Variants in OTUD7A observed in about 807,000 individuals in gnomAD.
OTUD7A encodes the protein OTU domain-containing protein 7A.
OTUD7A carries 12 observed loss-of-function variants against 65.7 expected under a neutral mutation model. That is an observed-to-expected ratio of 0.18 (90% CI 0.12 to 0.30). The LOEUF (loss-of-function observed/expected upper bound fraction) is 0.30, where lower values mean the gene tolerates loss of function less well. OTUD7A is among the 10% of genes least tolerant of loss of function. The probability of loss-of-function intolerance (pLI) is 1.00; values close to 1 mark genes in which losing one functional copy is unlikely to be tolerated. For missense variants in OTUD7A, 1,148 were observed against 1,304.8 expected (o/e 0.88, Z 1.85); for synonymous variants, 641 against 586.3 (o/e 1.09, Z -1.35).
chr15:31,766,489 A>C, intron 1 of OTUD7A: 1 of 1,604,904 alleles, frequency 6.2e-7, no homozygotes, highest in Non-Finnish European at 8.5e-7. Flanking sequence ...GTACTTTTGC[A>C]GAGTCTTTTA....
chr15:31,682,777 A>G (rs35334539), intron 1 of OTUD7A, among the ~76,000 whole-genome samples: 255 of 152,050 alleles, frequency 1.7e-3, no homozygotes, highest in African/African-American at 5.8e-3. Context: ...GTGTGTGTGC[A>G]TGTCCATGTG....
At chr15:31,634,971 C>T (rs1275325955) in intron 3 of OTUD7A, among the ~76,000 whole-genome samples, 4 of 152,192 alleles carry the variant, frequency 2.6e-5, no homozygotes, top group African/African-American at 9.6e-5. Flanking sequence ...CCCAACCATT[C>T]CCAGTCTTAC....
chr15:31,556,707 A>G (rs11630385), intron 5 of OTUD7A: 92,570 of 152,184 alleles, frequency 0.61, 30,693 homozygotes, highest in East Asian at 0.91. Context: ...ATGATCACCC[A>G]AGCTATTAGC....
At chr15:31,776,732 G>A (rs1895391917) in intron 1 of OTUD7A, among the ~76,000 whole-genome samples, 1 of 152,142 alleles carries the variant, frequency 6.6e-6, no homozygotes, top group Non-Finnish European at 1.5e-5. Context: ...AAGGAACCGG[G>A]GGTCCTTACT....
At chr15:31,833,815 C>T (rs962087954) in intron 1 of OTUD7A, among the ~76,000 whole-genome samples, 5 of 152,170 alleles carry the variant, frequency 3.3e-5, no homozygotes, top group African/African-American at 1.2e-4. Flanking sequence ...GTGAATTTAG[C>T]TGAAAATGGT....
chr15:31,519,400 T>C (rs965675722), intron 8 of OTUD7A, among the ~76,000 whole-genome samples: 1 of 152,264 alleles, frequency 6.6e-6, no homozygotes, highest in African/African-American at 2.4e-5. Flanking sequence ...CTGTTAGATT[T>C]GATTTGCTAG....
chr15:31,530,944 C>G, intron 5 of OTUD7A, 136 bp from the exon 6 acceptor site: 1 of 572,388 alleles, frequency 1.7e-6, no homozygotes, highest in Non-Finnish European at 3.0e-6. Context: ...ATGGCTACTT[C>G]TCTCCTCAAA....
At chr15:31,661,077 T>C (rs1367149574) in intron 1 of OTUD7A, among the ~76,000 whole-genome samples, 1 of 152,224 alleles carries the variant, frequency 6.6e-6, no homozygotes, top group Non-Finnish European at 1.5e-5. Context: ...GAGCATCTGG[T>C]GCCTTTAAAA....
At position 31,585,092 on chromosome 15, in the gene OTUD7A, A is replaced by G. The variant is rs148634559; in HGVS notation, c.152-14895T>C. Among the ~76,000 whole-genome samples, 3 of 152,300 alleles carry G rather than the reference A, an allele frequency of 2.0e-5. No homozygotes were observed. The East Asian group carries it at 5.8e-4, about 29-fold the overall frequency. On this transcript the variant is annotated intron_variant, in intron 3 of 12. Coordinates refer to ENST00000307050, the MANE Select transcript of OTUD7A (RefSeq NM_001382637.1). ...TGCATGCACATTTCCAGTGGAATGA[A>G]GAAGAGTAAAATTAGCAGGGCACGA...
At chr15:31,797,317 C>T (rs973401451) in intron 1 of OTUD7A, among the ~76,000 whole-genome samples, 3 of 152,216 alleles carry the variant, frequency 2.0e-5, no homozygotes, top group Non-Finnish European at 4.4e-5. Flanking sequence ...AAACAGAACA[C>T]AAACCCCTCT....
intron 1 of OTUD7A, among the ~76,000 whole-genome samples, chr15:31,664,239 A>G (rs1054703323): frequency 2.0e-5 from 3 of 147,872 alleles, no homozygotes; most frequent in Non-Finnish European, 3.0e-5. Context: ...TTCTTTAAGG[A>G]GTCTCCACAC....
At chr15:31,495,565 G>T (rs563224288) in intron 10 of OTUD7A, among the ~76,000 whole-genome samples, 5 of 152,268 alleles carry the variant, frequency 3.3e-5, no homozygotes, top group African/African-American at 9.6e-5. Context: ...GTTCTTCAGG[G>T]TTCTGTGCTC....
At chr15:31,790,130 T>G (rs1895776619) in intron 1 of OTUD7A, among the ~76,000 whole-genome samples, 1 of 152,114 alleles carries the variant, frequency 6.6e-6, no homozygotes, top group Non-Finnish European at 1.5e-5. Flanking sequence ...TTGACGGGAG[T>G]ACATCACACT....
intron 1 of OTUD7A, among the ~76,000 whole-genome samples, chr15:31,665,321 A>G (rs1049830118): frequency 6.6e-6 from 1 of 152,138 alleles, no homozygotes; most frequent in Non-Finnish European, 1.5e-5. Context: ...TGTTTGTGTC[A>G]TCTATGATTT....
At chr15:31,750,276 C>T (rs1295860578) in intron 1 of OTUD7A, among the ~76,000 whole-genome samples, 1 of 151,814 alleles carries the variant, frequency 6.6e-6, no homozygotes, top group African/African-American at 2.4e-5. Context: ...GGTGTGGTGG[C>T]AGGCACCTAT....
rs1184063444 is a variant in OTUD7A at position 31,482,731 on chromosome 15, G to C, written c.*563C>G. The stretch of plus-strand genomic sequence containing the variant: ...GAAATGGAGCTGTGTGTTTCTAAAG[G>C]GCCACAGTGACCACCAGGGCGTCAG... On this transcript the variant is annotated 3_prime_UTR_variant, in exon 13 of 13. Coordinates refer to ENST00000307050, the MANE Select transcript of OTUD7A (RefSeq NM_001382637.1). The C allele has an allele frequency of 2.0e-5, 3 of 152,108 alleles. No homozygotes were observed. Among genetic ancestry groups the C allele is most frequent in the East Asian group, 1.9e-4 (1 of 5,176 alleles). The allele number at this position is 152,108 out of a possible 1,614,324, so 9.4% of individuals were successfully genotyped here. A position where few individuals can be genotyped will look rare whatever the true frequency, so the allele number is the denominator to read the frequency against.
At position 31,717,225 on chromosome 15, in the gene OTUD7A, T is replaced by G. The variant is rs1893613267; in HGVS notation, c.-99-60148A>C. ...GAAAATCTGAAACAGTTTCTCAGTC[T>G]ATCACTTTTTTTCTTTTAAAAAATT... On this transcript the variant is annotated intron_variant, in intron 1 of 12. Coordinates refer to ENST00000307050, the MANE Select transcript of OTUD7A (RefSeq NM_001382637.1). 2.1e-5 allele frequency among the ~76,000 whole-genome samples: 3 copies of G among 141,546 alleles called. No homozygotes were observed. The South Asian group carries it at 6.5e-4, about 31-fold the overall frequency. The allele number at this position is 141,546 out of a possible 152,430, so 92.9% of individuals were successfully genotyped here. A position where few individuals can be genotyped will look rare whatever the true frequency, so the allele number is the denominator to read the frequency against.
At chr15:31,603,751 AAAAC>A (rs879798753) in intron 3 of OTUD7A, among the ~76,000 whole-genome samples, 5 of 152,226 alleles carry the variant, frequency 3.3e-5, no homozygotes, top group Non-Finnish European at 7.3e-5. Flanking sequence ...TTTACAAGAA[AAAAC>A]AAACAACCCC....
intron 1 of OTUD7A, among the ~76,000 whole-genome samples, chr15:31,812,199 C>A (rs1031357974): frequency 3.9e-5 from 6 of 152,108 alleles, no homozygotes; most frequent in African/African-American, 1.4e-4. Context: ...ATGTCCTGGA[C>A]CCACTGCCAT....
Sources: allele counts gnomAD v4.1 joint callset (sites outside exome capture counted in the v4.1 genomes callset), GRCh38; gene constraint gnomAD v4.1.1; transcripts MANE v1.5; gene names NCBI Gene and HGNC (gene_info 2026-07-23, HGNC 2026-07-21).